Variants in RBKS observed in about 807,000 individuals in gnomAD.
The protein encoded by RBKS is ribokinase.
In RBKS, 33 loss-of-function variants were observed where a neutral mutation model predicts 33.9. The observed-to-expected ratio is 0.97, with a 90% confidence interval of 0.74 to 1.30. The LOEUF (loss-of-function observed/expected upper bound fraction) is 1.30. RBKS is among the 50% of genes most tolerant of loss of function. The pLI, the probability that RBKS is intolerant of heterozygous loss-of-function variation, is 0.00. For missense variants in RBKS, 361 were observed against 392.6 expected (o/e 0.92, Z 0.68); for synonymous variants, 125 against 143.0 (o/e 0.87, Z 0.90).
intron 7 of RBKS, among the ~76,000 whole-genome samples, chr2:27,814,096 C>T (rs1052885016): frequency 6.6e-6 from 1 of 151,964 alleles, no homozygotes. Flanking sequence ...TGGTGTATGC[C>T]TGTGGTCCCA....
chr2:27,813,655 A>G (rs950081973), intron 7 of RBKS, among the ~76,000 whole-genome samples: 2 of 152,020 alleles, frequency 1.3e-5, no homozygotes, highest in Admixed American at 6.6e-5. Flanking sequence ...ACATAGATCT[A>G]TATCTATATA....
chr2:27,863,965 T>C (rs1664039871), intron 1 of RBKS, among the ~76,000 whole-genome samples: 1 of 152,252 alleles, frequency 6.6e-6, no homozygotes, highest in South Asian at 2.1e-4. Context: ...ATGTTATTTA[T>C]TTAAGGTAAT....
chr2:27,821,263 TAAGC>T (rs1231426326), intron 7 of RBKS, among the ~76,000 whole-genome samples: 1 of 152,140 alleles, frequency 6.6e-6, no homozygotes, highest in Non-Finnish European at 1.5e-5. Flanking sequence ...CTAATGAGGT[TAAGC>T]ATTGTCTCAT....
At chr2:27,796,235 T>A (rs184650336) in intron 7 of RBKS, among the ~76,000 whole-genome samples, 1 of 142,604 alleles carries the variant, frequency 7.0e-6, no homozygotes, top group African/African-American at 2.6e-5. Context: ...ATTTTTTTTT[T>A]AAACGGAAAG....
intron 1 of RBKS, among the ~76,000 whole-genome samples, chr2:27,859,066 G>C (rs368670859): frequency 2.0e-5 from 3 of 152,122 alleles, no homozygotes; most frequent in African/African-American, 7.2e-5. Flanking sequence ...TACAATTCCA[G>C]GTGCTAAAGA....
chr2:27,856,110 T>G (rs537751279), intron 2 of RBKS, among the ~76,000 whole-genome samples: 129 of 152,348 alleles, frequency 8.5e-4, no homozygotes, highest in African/African-American at 3.1e-3. Flanking sequence ...ATATATGATT[T>G]TCTTTTTAAG....
At chr2:27,791,495 G>A (rs191610213) in intron 7 of RBKS, among the ~76,000 whole-genome samples, 151 of 151,952 alleles carry the variant, frequency 9.9e-4, no homozygotes, top group African/African-American at 3.4e-3. Context: ...CACTAACTGG[G>A]ATCTCAGGCC....
intron 7 of RBKS, among the ~76,000 whole-genome samples, chr2:27,790,078 C>T (rs966849348): frequency 2.0e-5 from 3 of 150,412 alleles, no homozygotes; most frequent in African/African-American, 7.4e-5. Flanking sequence ...GATCTACCTG[C>T]CTTGGCCTCT....
chr2:27,832,051 A>AGAAATATT (rs1678428023), intron 6 of RBKS, among the ~76,000 whole-genome samples: 1 of 152,190 alleles, frequency 6.6e-6, no homozygotes, highest in Non-Finnish European at 1.5e-5. Flanking sequence ...ATAAAAAGGG[A>AGAAATATT]GAAATATTGA....
intron 4 of RBKS, among the ~76,000 whole-genome samples, chr2:27,844,967 T>C (rs1573061102): frequency 6.6e-6 from 1 of 152,160 alleles, no homozygotes; most frequent in African/African-American, 2.4e-5. Flanking sequence ...CAGAACAAAT[T>C]CTATCCTATC....
chr2:27,882,857 A>G (rs1326360889), intron 1 of RBKS, among the ~76,000 whole-genome samples: 1 of 152,198 alleles, frequency 6.6e-6, no homozygotes, highest in Non-Finnish European at 1.5e-5. Flanking sequence ...GTTCTTACTT[A>G]TAAGTGGGAG....
intron 6 of RBKS, among the ~76,000 whole-genome samples, chr2:27,828,930 T>C: frequency 6.6e-6 from 1 of 152,206 alleles, no homozygotes; most frequent in Admixed American, 6.5e-5. Flanking sequence ...TCTTGCTCTA[T>C]TACTCCAGCT....
At chr2:27,829,428 G>A (rs1678379348) in intron 6 of RBKS, among the ~76,000 whole-genome samples, 1 of 145,986 alleles carries the variant, frequency 6.8e-6, no homozygotes, top group Non-Finnish European at 1.5e-5. Context: ...AAGTGCAGTG[G>A]GGAGATCTCG....
intron 1 of RBKS, among the ~76,000 whole-genome samples, chr2:27,859,188 A>G (rs1010809047): frequency 6.6e-6 from 1 of 152,192 alleles, no homozygotes; most frequent in African/African-American, 2.4e-5. Flanking sequence ...CTCACTCAAA[A>G]AGGGTGTCTA....
intron 7 of RBKS, among the ~76,000 whole-genome samples, chr2:27,783,975 CTTTTTTTTTTTTT>C (rs1161206494): frequency 3.6e-5 from 2 of 55,314 alleles, no homozygotes; most frequent in Non-Finnish European, 3.6e-5. Flanking sequence ...GGGTCATTTT[CTTTTTTTTTTTTT>C]TTTTTTTTTT....
At chr2:27,825,726 A>G (rs1222775516) in intron 7 of RBKS, among the ~76,000 whole-genome samples, 1 of 152,210 alleles carries the variant, frequency 6.6e-6, no homozygotes. Flanking sequence ...CCTGGATGAC[A>G]CTGTTCAGCC....
In RBKS at chr2:27,852,038, C is replaced by T. The variant is rs556232374; in HGVS notation, c.223-3941G>A. Among the ~76,000 whole-genome samples the T allele has an allele frequency of 1.5e-3, 225 of 152,284 alleles. 1 individual carries two copies. The highest frequency in any genetic ancestry group is 2.8e-3 in the Non-Finnish European group (191 of 68,022). ...AACCTGTCTGTGTTAACTTGTTCCACGTGAAGGAAGCCAGGTCAAGAGCAA... is the reference window on the plus strand; with the variant it reads ...AACCTGTCTGTGTTAACTTGTTCCATGTGAAGGAAGCCAGGTCAAGAGCAA... On this transcript the variant is annotated intron_variant, in intron 2 of 7. Coordinates refer to ENST00000302188, the MANE Select transcript of RBKS (RefSeq NM_022128.3).
chr2:27,789,885 TGTGTGTGTGTATAGA>T (rs1238213057), intron 7 of RBKS, among the ~76,000 whole-genome samples: 2 of 145,618 alleles, frequency 1.4e-5, no homozygotes, highest in African/African-American at 5.1e-5. Flanking sequence ...TGTGTGTGTG[TGTGTGTGTGTATAGA>T]GTGTGTGTGT....
At chr2:27,838,141 A>T (rs990184333) in intron 5 of RBKS, among the ~76,000 whole-genome samples, 1 of 152,168 alleles carries the variant, frequency 6.6e-6, no homozygotes, top group Non-Finnish European at 1.5e-5. Context: ...TGGAGGCTGC[A>T]GTGAGCTGAG....
Sources: gnomAD v4.1 joint callset for allele counts (sites outside exome capture counted in the v4.1 genomes callset) on GRCh38, gnomAD v4.1.1 for gene constraint, MANE v1.5 for transcripts, NCBI Gene and HGNC (gene_info 2026-07-23, HGNC 2026-07-21) for gene names.